GPC5: variants seen among roughly 807,000 people sequenced by gnomAD.
The protein encoded by GPC5 is glypican-5.
A neutral mutation model predicts 53.9 loss-of-function variants in GPC5; 47 were observed. That is an observed-to-expected ratio of 0.87 (90% CI 0.69 to 1.11). GPC5 has a LOEUF of 1.11. Among genes scored for constraint, GPC5 ranks in the 50% most tolerant of loss-of-function variants. The pLI, the probability that GPC5 is intolerant of heterozygous loss-of-function variation, is 0.00. For synonymous variants in GPC5, 286 were observed against 263.3 expected, an observed-to-expected ratio of 1.09 and a Z score of -0.84; for missense variants, 748 against 713.1, an observed-to-expected ratio of 1.05 and a Z score of -0.56.
chr13:92,423,171 T>C (rs1028451427), intron 7 of GPC5, among the ~76,000 whole-genome samples: 3 of 152,148 alleles, frequency 2.0e-5, no homozygotes, highest in Non-Finnish European at 2.9e-5. Flanking sequence ...AGGGGTGTGC[T>C]TCATGATCTA....
intron 7 of GPC5, among the ~76,000 whole-genome samples, chr13:92,196,755 G>A (rs901228915): frequency 1.3e-5 from 2 of 152,146 alleles, no homozygotes; most frequent in African/African-American, 4.8e-5. Flanking sequence ...CAGACGCAGG[G>A]TAACTGGGAG....
rs563794696 is a variant in GPC5 at position 92,353,266 on chromosome 13, C to CAAAAAAAA, written c.1561+208288_1561+208295dup. On this transcript the variant is annotated intron_variant, in intron 7 of 7. Transcript: ENST00000377067. ...TGGGCGACAGAGCGAGACTCCGTCT[C>CAAAAAAAA]AAAAAAAAAAAAAAAAAAGAAATGT... 2.8e-3 allele frequency among the ~76,000 whole-genome samples: 187 copies of CAAAAAAAA among 66,796 alleles called. 14 individuals carry two copies. Among genetic ancestry groups the CAAAAAAAA allele is most frequent in the South Asian group, 0.022 (38 of 1,742 alleles). 43.8% of individuals were successfully genotyped at this position (66,796 alleles called of 152,430 possible).
rs1032323052 is a variant in GPC5, at chr13:92,216,708, G to A, written c.1561+71719G>A. Among the ~76,000 whole-genome samples the A allele has an allele frequency of 4.6e-5, 7 of 152,210 alleles. 1 individual carries two copies. The highest frequency in any genetic ancestry group is 1.3e-4 in the Admixed American group (2 of 15,280). On this transcript the variant is annotated intron_variant, in intron 7 of 7. Transcript: ENST00000377067. ...TCTAACTTACCCACAAGCCAGGCGC[G>A]GTGGCTCATGCCTGTAATCCCAGCA...
chr13:91,623,196 A>G (rs2033908382), intron 2 of GPC5, among the ~76,000 whole-genome samples: 1 of 152,186 alleles, frequency 6.6e-6, no homozygotes, highest in Non-Finnish European at 1.5e-5. Flanking sequence ...TGAAAATTAT[A>G]GGATGTCAAA....
intron 7 of GPC5, among the ~76,000 whole-genome samples, chr13:92,331,485 T>A (rs10162003): frequency 0.4 from 61,169 of 151,946 alleles, 12,442 homozygotes; most frequent in Middle Eastern, 0.51. Flanking sequence ...TTTGTATTCA[T>A]GATAATGTTA....
rs536668068 is a variant in GPC5 at position 91,935,870 on chromosome 13, GA to G, written c.1401+27814del. ...ATCACCAGAGGAAATAGATCTCATA[GA>G]TATAGATGAAATTGCCTAGGGAAAT... On this transcript the variant is annotated intron_variant, in intron 6 of 7. Coordinates refer to ENST00000377067, the MANE Select transcript of GPC5 (RefSeq NM_004466.6). 2.2e-3 allele frequency among the ~76,000 whole-genome samples: 335 copies of G among 152,054 alleles called. 1 individual carries two copies. Among genetic ancestry groups the G allele is most frequent in the Non-Finnish European group, 3.8e-3 (256 of 67,926 alleles).
At chr13:92,287,152 T>C (rs1461188769) in intron 7 of GPC5, among the ~76,000 whole-genome samples, 1 of 152,238 alleles carries the variant, frequency 6.6e-6, no homozygotes, top group African/African-American at 2.4e-5. Context: ...TGTGTTTTCT[T>C]AATTTTCATA....
chr13:92,251,638 G>A (rs2042693450), intron 7 of GPC5, among the ~76,000 whole-genome samples: 2 of 152,210 alleles, frequency 1.3e-5, no homozygotes, highest in East Asian at 1.9e-4. Context: ...AGGAAGTAAT[G>A]TATGTAGTAT....
chr13:92,828,460 C>T (rs562248858), intron 7 of GPC5, among the ~76,000 whole-genome samples: 3 of 152,224 alleles, frequency 2.0e-5, no homozygotes, highest in East Asian at 1.9e-4. Flanking sequence ...TATGTTGACA[C>T]GTTTACCCAA....
intron 6 of GPC5, among the ~76,000 whole-genome samples, chr13:91,992,954 G>T (rs1245733646): frequency 6.6e-6 from 1 of 152,154 alleles, no homozygotes; most frequent in East Asian, 1.9e-4. Flanking sequence ...AAATAAGATA[G>T]TTGTAACACA....
intron 7 of GPC5, among the ~76,000 whole-genome samples, chr13:92,726,028 G>A (rs970306707): frequency 1.8e-4 from 28 of 151,532 alleles, no homozygotes; most frequent in African/African-American, 6.5e-4. Flanking sequence ...TCTAGGTGAG[G>A]TCTTTTATTC....
At chr13:91,606,682 G>T (rs1233996445) in intron 2 of GPC5, among the ~76,000 whole-genome samples, 3 of 149,042 alleles carry the variant, frequency 2.0e-5, no homozygotes, top group Non-Finnish European at 4.5e-5. Context: ...GTTTAGTCTT[G>T]GGAGAGTGTA....
intron 6 of GPC5, among the ~76,000 whole-genome samples, chr13:92,087,636 G>C (rs1045121698): frequency 6.6e-6 from 1 of 152,096 alleles, no homozygotes; most frequent in African/African-American, 2.4e-5. Context: ...GGTGATGAGT[G>C]ATCCTTCCTC....
At chr13:92,765,208 T>G (rs557902947) in intron 7 of GPC5, among the ~76,000 whole-genome samples, 5 of 152,180 alleles carry the variant, frequency 3.3e-5, no homozygotes, top group African/African-American at 1.2e-4. Flanking sequence ...ATTTTCCCCA[T>G]GGTCTTCTTA....
chr13:91,603,037 C>A (rs1214408115), intron 2 of GPC5, among the ~76,000 whole-genome samples: 1 of 152,160 alleles, frequency 6.6e-6, no homozygotes, highest in Non-Finnish European at 1.5e-5. Flanking sequence ...AGTTTAGAAA[C>A]ATTTTGGCAT....
chr13:91,645,979 G>T (rs1300455529), intron 2 of GPC5, among the ~76,000 whole-genome samples: 1 of 152,190 alleles, frequency 6.6e-6, no homozygotes, highest in Non-Finnish European at 1.5e-5. Flanking sequence ...CATGTTGGTA[G>T]CAGGTAACAC....
chr13:92,500,498 T>C (rs187383394), intron 7 of GPC5, among the ~76,000 whole-genome samples: 1 of 152,338 alleles, frequency 6.6e-6, no homozygotes, highest in Admixed American at 6.5e-5. Context: ...TTAGATAGAC[T>C]TCTCTACATT....
intron 6 of GPC5, among the ~76,000 whole-genome samples, chr13:91,928,130 G>A (rs1160518141): frequency 1.3e-5 from 2 of 152,156 alleles, no homozygotes; most frequent in African/African-American, 2.4e-5. Context: ...ACTTGACTGT[G>A]TTTAACCTGA....
At chr13:92,673,048 A>G (rs749235427) in intron 7 of GPC5, among the ~76,000 whole-genome samples, 15 of 152,290 alleles carry the variant, frequency 9.8e-5, no homozygotes, top group Middle Eastern at 6.8e-3. Context: ...AAAGTTTAAA[A>G]AGAAAGCAAA....
Sources: gnomAD v4.1 joint callset for allele counts (sites outside exome capture counted in the v4.1 genomes callset) on GRCh38, gnomAD v4.1.1 for gene constraint, MANE v1.5 for transcripts, NCBI Gene and HGNC (gene_info 2026-07-23, HGNC 2026-07-21) for gene names.